Variants in HAVCR1 observed in about 807,000 individuals in gnomAD.
The protein encoded by HAVCR1 is T cell immunoglobin domain and mucin domain protein 1.
A neutral mutation model predicts 32.0 loss-of-function variants in HAVCR1; 34 were observed. That is an observed-to-expected ratio of 1.06 (90% CI 0.81 to 1.42). The LOEUF (loss-of-function observed/expected upper bound fraction) is 1.42. Ranked by LOEUF, HAVCR1 falls within the 40% of genes most tolerant of loss-of-function variation. HAVCR1 has a pLI of 0.00. For missense variants in HAVCR1, 420 were observed against 442.3 expected (o/e 0.95, Z 0.45); for synonymous variants, 178 against 170.3 (o/e 1.05, Z -0.35).
At position 157,052,543 on chromosome 5, in the gene HAVCR1, G is replaced by A. The variant is rs764873440; in HGVS notation, c.491C>T (p.Thr164Ile). The A allele has an allele frequency of 6.6e-7, 1 of 1,526,588 alleles. No homozygotes were observed. The allele number at this position is 1,526,588 out of a possible 1,614,324, so 94.6% of individuals were successfully genotyped here. The change falls in exon 4 of 9, where the codon ACA (threonine) becomes ATA (isoleucine). Residue 164 changes from threonine (T) to isoleucine (I), a missense_variant. Coordinates refer to ENST00000523175, the MANE Select transcript of HAVCR1 (RefSeq NM_001173393.3). Reference sequence around the variant, plus strand: ...AATGCTCATTGTTGTTGGAACAGTTGTCGTTGGAACAGTCGTCATTGGAAC... The same window carrying A: ...AATGCTCATTGTTGTTGGAACAGTTATCGTTGGAACAGTCGTCATTGGAAC... ...TTVPMTTVPT[T>I]TVPTTMSIPT...
rs541972907 is a variant in HAVCR1 at position 157,058,999 on chromosome 5, C to T, written c.-91G>A. 12 of 152,160 alleles carry T rather than the reference C, an allele frequency of 7.9e-5. 1 individual carries two copies. The highest frequency in any genetic ancestry group is 5.9e-4 in the Admixed American group (9 of 15,266). The allele number at this position is 152,160 out of a possible 1,614,324, so 9.4% of individuals were successfully genotyped here. ...AGTTCTCTTCAAACCTCTATTTCCTCAGTTGTAAAATAGCACTAAAAATGC... is the reference window on the plus strand; with the variant it reads ...AGTTCTCTTCAAACCTCTATTTCCTTAGTTGTAAAATAGCACTAAAAATGC... On this transcript the variant is annotated 5_prime_UTR_variant, in exon 1 of 9. Coordinates refer to ENST00000523175, the MANE Select transcript of HAVCR1 (RefSeq NM_001173393.3).
At chr5:157,069,145 C>T in the HAVCR1 span, among the ~76,000 whole-genome samples, 15 of 152,192 alleles carry the variant, frequency 9.9e-5, no homozygotes, top group African/African-American at 3.6e-4. Flanking sequence ...CTTGCCCAGG[C>T]AAAGTTTAAA....
intron 5 of HAVCR1, among the ~76,000 whole-genome samples, chr5:157,047,287 C>T (rs958449893): frequency 2.0e-5 from 3 of 152,084 alleles, no homozygotes; most frequent in African/African-American, 7.2e-5. Flanking sequence ...TGCGGTGGCT[C>T]ACGCCTGTAA....
chr5:157,035,501 T>G (rs1363077692), intron 7 of HAVCR1, among the ~76,000 whole-genome samples: 1 of 152,180 alleles, frequency 6.6e-6, no homozygotes, highest in Non-Finnish European at 1.5e-5. Flanking sequence ...GGGTGGTTGC[T>G]TTTTGAAGAC....
At chr5:157,035,877 G>A (rs11134517) in intron 7 of HAVCR1, among the ~76,000 whole-genome samples, 10,108 of 152,148 alleles carry the variant, frequency 0.066, 901 homozygotes, top group African/African-American at 0.2. Context: ...TGGCATTTAC[G>A]TTGTATATTA....
chr5:157,056,025 C>T (rs543378851), intron 2 of HAVCR1, among the ~76,000 whole-genome samples: 2 of 152,126 alleles, frequency 1.3e-5, no homozygotes. Context: ...TCTTGGCTCA[C>T]TGCTACCCCC....
chr5:157,037,071 C>T lies in HAVCR1; in HGVS notation c.952+176G>A, dbSNP rs200992115. The T allele has an allele frequency of 9.0e-5, 55 of 607,858 alleles. No homozygotes were observed. The East Asian group carries it at 1.5e-3, about 16-fold the overall frequency. 37.7% of individuals were successfully genotyped at this position (607,858 alleles called of 1,614,324 possible). On this transcript the variant is annotated intron_variant, in intron 7 of 8. Transcript: ENST00000523175. ...TGTAGGTACCAATGCATTTAAACTT[C>T]ATTTCCCTTCCCCCTTGAGGTAGAT...
intron 3 of HAVCR1, 138 bp from the exon 4 acceptor site, chr5:157,052,792 T>C (rs932030253): frequency 8.1e-6 from 6 of 744,564 alleles, no homozygotes; most frequent in Non-Finnish European, 9.3e-6. Context: ...ATCTTGGTCA[T>C]TGCCCAGCTA....
chr5:157,067,925 G>A, the HAVCR1 span, among the ~76,000 whole-genome samples: 1 of 151,948 alleles, frequency 6.6e-6, no homozygotes, highest in South Asian at 2.1e-4. Context: ...TGATCTGCCT[G>A]CCTCGGCCTC....
chr5:157,052,297 T>A, intron 4 of HAVCR1, 64 bp downstream of exon 4: 1 of 1,396,480 alleles, frequency 7.2e-7, no homozygotes, highest in Non-Finnish European at 1.0e-6. Context: ...CTTGATACAA[T>A]GCCCTGGATG....
At chr5:157,032,338 G>C (rs963332008) in intron 8 of HAVCR1, among the ~76,000 whole-genome samples, 22 of 152,128 alleles carry the variant, frequency 1.4e-4, no homozygotes, top group African/African-American at 5.1e-4. Context: ...AACCAACATG[G>C]AGAAACCCCG....
chr5:157,063,587 T>C (rs536818031), upstream of HAVCR1, among the ~76,000 whole-genome samples: 1 of 152,304 alleles, frequency 6.6e-6, no homozygotes, highest in African/African-American at 2.4e-5. Context: ...CCTGGCCTCA[T>C]GTAACTAACT....
At chr5:157,038,006 C>CAAAAAGAAAAAAA (rs10658898) in intron 6 of HAVCR1, among the ~76,000 whole-genome samples, 4 of 151,008 alleles carry the variant, frequency 2.6e-5, no homozygotes, top group Non-Finnish European at 5.9e-5. Flanking sequence ...GACTCCATCT[C>CAAAAAGAAAAAAA]GAAAAAAAGA....
chr5:157,063,778 G>GTGA (rs1390344395), upstream of HAVCR1, among the ~76,000 whole-genome samples: 1 of 152,218 alleles, frequency 6.6e-6, no homozygotes, highest in African/African-American at 2.4e-5. Context: ...AAGGTGGTCA[G>GTGA]GTTTGAATAG....
intron 7 of HAVCR1, among the ~76,000 whole-genome samples, chr5:157,034,405 C>A (rs1172990580): frequency 6.6e-6 from 1 of 151,974 alleles, no homozygotes; most frequent in Non-Finnish European, 1.5e-5. Context: ...TGTCCCACCT[C>A]CAGCCATAAG....
chr5:157,039,700 C>T (rs1206949358), intron 6 of HAVCR1, among the ~76,000 whole-genome samples: 1 of 152,182 alleles, frequency 6.6e-6, no homozygotes, highest in African/African-American at 2.4e-5. Context: ...TAAGTAATCC[C>T]TTACTATTAA....
chr5:157,061,864 G>C (rs1197881510), upstream of HAVCR1, among the ~76,000 whole-genome samples: 3 of 152,170 alleles, frequency 2.0e-5, no homozygotes, highest in South Asian at 2.1e-4. Context: ...TGGAGGAAAT[G>C]ATGAGCCAGA....
the HAVCR1 span, among the ~76,000 whole-genome samples, chr5:157,064,532 A>T: frequency 7.9e-5 from 12 of 152,196 alleles, no homozygotes; most frequent in South Asian, 4.1e-4. Flanking sequence ...TTTCGGCCTG[A>T]GCCACGGGAA....
upstream of HAVCR1, among the ~76,000 whole-genome samples, chr5:157,059,532 G>A (rs1387335954): frequency 2.0e-5 from 3 of 152,074 alleles, no homozygotes; most frequent in Non-Finnish European, 2.9e-5. Flanking sequence ...AAAATTAGCT[G>A]GGGGTGGTGG....
Sources: allele counts gnomAD v4.1 joint callset (sites outside exome capture counted in the v4.1 genomes callset), GRCh38; gene constraint gnomAD v4.1.1; transcripts MANE v1.5; gene names NCBI Gene and HGNC (gene_info 2026-07-23, HGNC 2026-07-21).